The following VPS13B variants were observed in gnomAD, a reference collection of about 807,000 sequenced individuals.
The protein encoded by VPS13B is intermembrane lipid transfer protein VPS13B.
VPS13B carries 285 observed loss-of-function variants against 426.4 expected under a neutral mutation model. The ratio of observed to expected loss-of-function variants is 0.67; its 90% CI spans 0.61 to 0.74. The LOEUF (loss-of-function observed/expected upper bound fraction) is 0.74, where lower values mean the gene tolerates loss of function less well. Among genes scored for constraint, VPS13B ranks in the 30% least tolerant of loss-of-function variants. The pLI, the probability that VPS13B is intolerant of heterozygous loss-of-function variation, is 0.00. For synonymous variants in VPS13B, 1,676 were observed against 1,676.4 expected (o/e 1.00, Z 0.01); for missense variants, 4,537 against 4,782.6 (o/e 0.95, Z 1.51).
intron 2 of VPS13B, among the ~76,000 whole-genome samples, chr8:99,026,471 A>G (rs919234381): frequency 3.3e-5 from 5 of 152,220 alleles, no homozygotes; most frequent in Admixed American, 3.3e-4. Flanking sequence ...TATTTGGTCT[A>G]AAGTGCAATT....
chr8:99,625,938 TC>T (rs1480221849), intron 33 of VPS13B, among the ~76,000 whole-genome samples: 1 of 152,052 alleles, frequency 6.6e-6, no homozygotes, highest in Non-Finnish European at 1.5e-5. Flanking sequence ...AGTACTAAAA[TC>T]TGGAATGAAA....
intron 21 of VPS13B, among the ~76,000 whole-genome samples, chr8:99,399,607 T>C (rs1410960634): frequency 6.6e-6 from 1 of 152,164 alleles, no homozygotes; most frequent in Non-Finnish European, 1.5e-5. Flanking sequence ...CATCCTTCGG[T>C]CATCTCATGA....
chr8:99,355,853 C>T (rs1016603580), intron 19 of VPS13B, among the ~76,000 whole-genome samples: 1 of 152,028 alleles, frequency 6.6e-6, no homozygotes, highest in African/African-American at 2.4e-5. Context: ...TATAATTATA[C>T]TTGTCACAAT....
chr8:99,671,334 T>C (rs1437235886), intron 35 of VPS13B, among the ~76,000 whole-genome samples: 1 of 152,200 alleles, frequency 6.6e-6, no homozygotes, highest in Non-Finnish European at 1.5e-5. Context: ...TTTGGTTCTT[T>C]GTCTTCTTGC....
At chr8:99,728,728 G>A (rs1047557119) in intron 39 of VPS13B, among the ~76,000 whole-genome samples, 15 of 152,124 alleles carry the variant, frequency 9.9e-5, no homozygotes, top group Non-Finnish European at 1.6e-4. Context: ...GTAGTATGTC[G>A]ACTACAGTTC....
chr8:99,369,119 G>T (rs994627524), intron 19 of VPS13B, among the ~76,000 whole-genome samples: 3 of 151,922 alleles, frequency 2.0e-5, no homozygotes, highest in Non-Finnish European at 4.4e-5. Context: ...TTTTAAAGTT[G>T]TACCTATCCC....
At chr8:99,248,081 A>G (rs934681695) in intron 17 of VPS13B, among the ~76,000 whole-genome samples, 2 of 152,228 alleles carry the variant, frequency 1.3e-5, no homozygotes, top group African/African-American at 4.8e-5. Flanking sequence ...TGATTGGTTT[A>G]TACAGACACC....
At chr8:99,579,696 C>CCTTT (rs61304858) in intron 33 of VPS13B, among the ~76,000 whole-genome samples, 28,996 of 149,892 alleles carry the variant, frequency 0.19, 3,254 homozygotes, top group East Asian at 0.37. Flanking sequence ...CCGCGCCTGG[C>CCTTT]CTTTCTTTCT....
intron 43 of VPS13B, among the ~76,000 whole-genome samples, chr8:99,795,117 G>A (rs1384458408): frequency 1.3e-5 from 2 of 152,126 alleles, no homozygotes; most frequent in Non-Finnish European, 2.9e-5. Context: ...CCTTCCTTAA[G>A]CTTGTATCTC....
intron 14 of VPS13B, 142 bp downstream of exon 14, chr8:99,148,152 A>G: frequency 1.1e-6 from 1 of 912,414 alleles, no homozygotes; most frequent in Non-Finnish European, 1.7e-6. Flanking sequence ...CTGGGGCAGG[A>G]TGCACACTTG....
At chr8:99,140,464 T>C (rs185739101) in intron 12 of VPS13B, among the ~76,000 whole-genome samples, 1 of 152,048 alleles carries the variant, frequency 6.6e-6, no homozygotes, top group African/African-American at 2.4e-5. Flanking sequence ...TAGTATCTTG[T>C]CCACATTATA....
chr8:99,595,185 A>G (rs892957931), intron 33 of VPS13B, among the ~76,000 whole-genome samples: 1 of 151,932 alleles, frequency 6.6e-6, no homozygotes, highest in African/African-American at 2.4e-5. Flanking sequence ...TGGGGGTTAC[A>G]TATAGATGAA....
intron 30 of VPS13B, among the ~76,000 whole-genome samples, chr8:99,547,195 T>C (rs1824030009): frequency 6.6e-6 from 1 of 152,076 alleles, no homozygotes; most frequent in African/African-American, 2.4e-5. Context: ...TCATAATGTC[T>C]AAAGATGGGA....
chr8:99,707,913 T>C lies in VPS13B; in HGVS notation c.6454+7981T>C, dbSNP rs191853630. The stretch of plus-strand genomic sequence containing the variant: ...ACCTGGATTATGTAGATCAAGACCA[T>C]TTTCTAAGGCACTGCAGTAAATTAC... On this transcript the variant is annotated intron_variant, in intron 36 of 61. Coordinates refer to ENST00000357162, the MANE Select transcript of VPS13B (RefSeq NM_152564.5). Among the ~76,000 whole-genome samples, 264 of 152,292 alleles carry C rather than the reference T, an allele frequency of 1.7e-3. 1 individual carries two copies. Among genetic ancestry groups the C allele is most frequent in the Admixed American group, 6.2e-3 (94 of 15,280 alleles).
rs376659281 is a variant in VPS13B at position 99,431,528 on chromosome 8, C to T, written c.3083-9C>T. The T allele has an allele frequency of 1.2e-4, 198 of 1,612,748 alleles. No homozygotes were observed. The highest frequency in any genetic ancestry group is 1.6e-4 in the East Asian group (7 of 44,750). On this transcript the variant is annotated splice_polypyrimidine_tract_variant and intron_variant, in intron 21 of 61. Transcript: ENST00000357162. ...TTTCTATTAAATAATTAGCTATTCTCGTACTCAGAATCCCGCCCATTGTCA... is the reference window on the plus strand; with the variant it reads ...TTTCTATTAAATAATTAGCTATTCTTGTACTCAGAATCCCGCCCATTGTCA...
rs757707584 is a variant in VPS13B, at chr8:99,467,630, C to A, written c.3662C>A (p.Pro1221His). Residue 1221 changes from proline (P) to histidine (H), a missense_variant, in exon 24 of 62, where the codon CCC becomes CAC. Coordinates refer to ENST00000357162, the MANE Select transcript of VPS13B (RefSeq NM_152564.5). ...LESLEIKCSN[P>H]QVQLFYELTD... ...TCACTAGAGATAAAATGCTCTAATC[C>A]CCAGGTTGGTACATTTGATTTATGA... 7.5e-6 allele frequency: 12 copies of A among 1,607,830 alleles called. No homozygotes were observed. Among genetic ancestry groups the A allele is most frequent in the Non-Finnish European group, 1.0e-5 (12 of 1,179,230 alleles).
chr8:99,548,281 T>C (rs1824095330), intron 30 of VPS13B, among the ~76,000 whole-genome samples: 1 of 152,092 alleles, frequency 6.6e-6, no homozygotes, highest in African/African-American at 2.4e-5. Context: ...AGAATGTTTT[T>C]CACTCCTACA....
intron 19 of VPS13B, among the ~76,000 whole-genome samples, chr8:99,321,093 C>T (rs1297568545): frequency 2.6e-5 from 4 of 152,078 alleles, no homozygotes. Context: ...GATTCTGGAA[C>T]ATTCTATAAA....
intron 3 of VPS13B, among the ~76,000 whole-genome samples, chr8:99,039,706 A>G (rs767128142): frequency 2.6e-5 from 4 of 152,156 alleles, no homozygotes; most frequent in African/African-American, 4.8e-5. Context: ...AGTTAGGGTT[A>G]TGTATGAACT....
Sources: allele counts gnomAD v4.1 joint callset (sites outside exome capture counted in the v4.1 genomes callset), GRCh38; gene constraint gnomAD v4.1.1; transcripts MANE v1.5; gene names NCBI Gene and HGNC (gene_info 2026-07-23, HGNC 2026-07-21).